The following CACNA1C variants were observed in gnomAD, a reference collection of about 807,000 sequenced individuals.
The protein encoded by CACNA1C is voltage-dependent L-type calcium channel subunit alpha-1C.
CACNA1C carries 30 observed loss-of-function variants against 229.0 expected under a neutral mutation model. The observed-to-expected ratio is 0.13, with a 90% CI of 0.10 to 0.18. CACNA1C has a LOEUF of 0.18. Ranked by LOEUF, CACNA1C falls within the 10% of genes least tolerant of loss-of-function variation. CACNA1C has a pLI of 1.00. For missense variants in CACNA1C, 1,658 were observed against 2,845.0 expected (o/e 0.58, Z 9.49); for synonymous variants, 1,114 against 1,132.5 (o/e 0.98, Z 0.33).
At chr12:2,252,531 G>T (rs970784943) in intron 3 of CACNA1C, among the ~76,000 whole-genome samples, 7 of 152,152 alleles carry the variant, frequency 4.6e-5, no homozygotes, top group African/African-American at 1.4e-4. Context: ...AGGCTTGGGG[G>T]CTTCTTGTGT....
intron 3 of CACNA1C, among the ~76,000 whole-genome samples, chr12:2,304,650 C>T (rs561231668): frequency 5.3e-5 from 8 of 152,218 alleles, no homozygotes; most frequent in South Asian, 2.1e-4. Context: ...GTTGCTCCAC[C>T]GGCCACAAAG....
At chr12:2,610,049 C>G (rs545855259) in intron 27 of CACNA1C, among the ~76,000 whole-genome samples, 210 of 152,254 alleles carry the variant, frequency 1.4e-3, no homozygotes, top group African/African-American at 4.9e-3. Flanking sequence ...CGCTTGAGCC[C>G]AGGAGATGGA....
At chr12:1,976,669 TTTAAATA>T (rs2034457904) in intron 1 of CACNA1C, among the ~76,000 whole-genome samples, 1 of 152,174 alleles carries the variant, frequency 6.6e-6, no homozygotes, top group South Asian at 2.1e-4. Flanking sequence ...ATATAGTTAC[TTTAAATA>T]TTAGTTTCTT....
Position 2,346,742 on chromosome 12 carries a change from C to T in CACNA1C, c.478-102234C>T, listed in dbSNP as rs1311598200. On this transcript the variant is annotated intron_variant, in intron 3 of 46. Coordinates refer to ENST00000399655, the MANE Select transcript of CACNA1C (RefSeq NM_000719.7). The surrounding 1 kb of genome is among the most constrained non-coding windows in gnomAD (Gnocchi z 4.4). ...GAACATTTAGAAATCAGGAGTCAAA[C>T]GTGACTTGGACATTAAAACTTGATT... Among the ~76,000 whole-genome samples, 5 of 152,138 alleles carry T rather than the reference C, an allele frequency of 3.3e-5. No homozygotes were observed. Among genetic ancestry groups the T allele is most frequent in the African/African-American group, 4.8e-5 (2 of 41,426 alleles).
At chr12:2,246,552 ACT>A (rs759894527) in intron 3 of CACNA1C, among the ~76,000 whole-genome samples, 30 of 151,744 alleles carry the variant, frequency 2.0e-4, no homozygotes, top group Non-Finnish European at 3.7e-4. Flanking sequence ...ACCCATGACG[ACT>A]CTGTGCAATT....
At chr12:2,535,302 T>C (rs999992091) in intron 9 of CACNA1C, among the ~76,000 whole-genome samples, 3 of 151,788 alleles carry the variant, frequency 2.0e-5, no homozygotes, top group Non-Finnish European at 4.4e-5. Context: ...GGCAGGAGAA[T>C]GACATGAACC....
At chr12:2,102,747 C>T (rs184603084) in intron 1 of CACNA1C, among the ~76,000 whole-genome samples, 15 of 152,228 alleles carry the variant, frequency 9.9e-5, no homozygotes, top group East Asian at 3.9e-4. Context: ...CCGTACTCCC[C>T]GAAAGGCCCT....
intron 9 of CACNA1C, among the ~76,000 whole-genome samples, chr12:2,533,682 G>A (rs905200356): frequency 2.0e-5 from 3 of 152,184 alleles, no homozygotes; most frequent in African/African-American, 7.2e-5. Context: ...AGTCTGCCAG[G>A]TGGGGCTAGG....
At chr12:2,455,915 T>C (rs893035031) in intron 4 of CACNA1C, among the ~76,000 whole-genome samples, 7 of 152,188 alleles carry the variant, frequency 4.6e-5, no homozygotes, top group African/African-American at 1.7e-4. Context: ...TTTCACATCC[T>C]CACCTTCTGC....
intron 1 of CACNA1C, among the ~76,000 whole-genome samples, chr12:2,095,661 G>C (rs1448378565): frequency 6.6e-6 from 1 of 152,216 alleles, no homozygotes; most frequent in African/African-American, 2.4e-5. Flanking sequence ...GATACCACTG[G>C]CTCCAGAGAG....
At chr12:2,058,017 G>A (rs920778821) in intron 1 of CACNA1C, among the ~76,000 whole-genome samples, 1 of 152,222 alleles carries the variant, frequency 6.6e-6, no homozygotes, top group African/African-American at 2.4e-5. Context: ...CTCCTGCTGG[G>A]TAATGGCAGA....
chr12:1,988,834 C>T (rs1388382677), intron 1 of CACNA1C, among the ~76,000 whole-genome samples: 2 of 152,186 alleles, frequency 1.3e-5, no homozygotes, highest in African/African-American at 4.8e-5. Flanking sequence ...TTCCCAGATC[C>T]TATGAATGTT....
intron 30 of CACNA1C, among the ~76,000 whole-genome samples, chr12:2,636,305 A>G (rs954218702): frequency 2.6e-5 from 4 of 152,212 alleles, no homozygotes; most frequent in African/African-American, 7.2e-5. Flanking sequence ...GGTTCTTCCT[A>G]CAGTCACCAA....
At chr12:2,145,292 A>G (rs1416870195) in intron 3 of CACNA1C, among the ~76,000 whole-genome samples, 1 of 151,186 alleles carries the variant, frequency 6.6e-6, no homozygotes, top group Non-Finnish European at 1.5e-5. Context: ...TCCTGCCTGA[A>G]TAACTTTTTT....
At chr12:2,217,149 C>T (rs2060186738) in intron 3 of CACNA1C, among the ~76,000 whole-genome samples, 1 of 152,114 alleles carries the variant, frequency 6.6e-6, no homozygotes. Flanking sequence ...TAAAATAAGC[C>T]AGACACAAAA....
intron 3 of CACNA1C, among the ~76,000 whole-genome samples, chr12:2,157,374 C>T (rs117280485): frequency 2.1e-3 from 326 of 152,278 alleles, no homozygotes; most frequent in Non-Finnish European, 3.5e-3. Context: ...GAGGATAAAG[C>T]GGAATGTTCT....
intron 45 of CACNA1C, among the ~76,000 whole-genome samples, chr12:2,687,834 C>G (rs1330052447): frequency 1.3e-5 from 2 of 152,232 alleles, no homozygotes; most frequent in Non-Finnish European, 2.9e-5. Flanking sequence ...CCACTGCTCC[C>G]AGCCCTGAAT....
In CACNA1C at chr12:2,585,870, G is replaced by A. The variant is rs1231388477; in HGVS notation, c.2496G>A (p.Glu832=). The part of the protein sequence containing the change: ...NMDDLQPNEN[E]DKSPYPNPET... ...ATGACCTCCAGCCCAATGAAAATGA[G>A]GATAAGAGCCCCTACCCCAACCCAG... The change falls in exon 18 of 47, where the codon GAG becomes GAA. Residue 832 remains glutamate (E), a synonymous_variant. Transcript: ENST00000399655. This position sits in a 1 kb window ranked among gnomAD's most constrained non-coding sequence, Gnocchi z 4.1. 1 of 1,608,580 alleles carries A rather than the reference G, an allele frequency of 6.2e-7. No homozygotes were observed. Among genetic ancestry groups the A allele is most frequent in the African/African-American group, 1.3e-5 (1 of 74,878 alleles).
intron 6 of CACNA1C, among the ~76,000 whole-genome samples, chr12:2,489,431 G>A (rs755823070): frequency 2.2e-4 from 34 of 152,188 alleles, no homozygotes; most frequent in South Asian, 4.1e-4. Flanking sequence ...AAGAGGCGGC[G>A]TTTCCCTAAT....
Sources: allele counts gnomAD v4.1 joint callset (sites outside exome capture counted in the v4.1 genomes callset), GRCh38; gene constraint gnomAD v4.1.1; non-coding constraint Gnocchi (gnomAD v3.1); transcripts MANE v1.5; gene names NCBI Gene and HGNC (gene_info 2026-07-23, HGNC 2026-07-21).